Variants in OSBPL6 observed in about 807,000 individuals in gnomAD.
The protein encoded by OSBPL6 is oxysterol-binding protein-related protein 6.
In OSBPL6, 49 loss-of-function variants were observed where a neutral mutation model predicts 125.8. The ratio of observed to expected loss-of-function variants is 0.39; its 90% CI spans 0.31 to 0.49. The LOEUF (loss-of-function observed/expected upper bound fraction) is 0.49. Among genes scored for constraint, OSBPL6 ranks in the 20% least tolerant of loss-of-function variants. The pLI, the probability that OSBPL6 is intolerant of heterozygous loss-of-function variation, is 0.88. For missense variants in OSBPL6, 986 were observed against 1,135.4 expected, an observed-to-expected ratio of 0.87 and a Z score of 1.89; for synonymous variants, 394 against 391.8, an observed-to-expected ratio of 1.01 and a Z score of -0.07.
At chr2:178,394,280 A>G in intron 23 of OSBPL6, 33 bp from the exon 24 acceptor site, 1 of 1,600,052 alleles carries the variant, frequency 6.2e-7, no homozygotes, top group South Asian at 1.1e-5. Context: ...AAAAGAGGAT[A>G]ATATGTTAAA....
At chr2:178,204,127 G>A (rs150933323) in intron 1 of OSBPL6, among the ~76,000 whole-genome samples, 89 of 150,912 alleles carry the variant, frequency 5.9e-4, no homozygotes, top group Non-Finnish European at 1.0e-3. Context: ...GGGTTCAAGC[G>A]TTTCTCATGC....
At chr2:178,248,208 G>A (rs1051447849) in intron 1 of OSBPL6, among the ~76,000 whole-genome samples, 11 of 152,176 alleles carry the variant, frequency 7.2e-5, no homozygotes, top group African/African-American at 2.7e-4. Context: ...CTGTGAGAAA[G>A]TTTAGTCCCA....
intron 1 of OSBPL6, among the ~76,000 whole-genome samples, chr2:178,228,392 G>A (rs10180039): frequency 0.12 from 18,851 of 152,180 alleles, 1,541 homozygotes; most frequent in African/African-American, 0.23. Flanking sequence ...AAAATGAGCC[G>A]GGTGTGGTGG....
At chr2:178,216,958 A>G (rs962848136) in intron 1 of OSBPL6, among the ~76,000 whole-genome samples, 10 of 152,190 alleles carry the variant, frequency 6.6e-5, no homozygotes, top group Non-Finnish European at 5.9e-5. Context: ...CATGGTCCCA[A>G]ATTGGATCCT....
At chr2:178,290,143 AT>A (rs1685108245) in intron 2 of OSBPL6, among the ~76,000 whole-genome samples, 2 of 152,142 alleles carry the variant, frequency 1.3e-5, no homozygotes, top group Non-Finnish European at 2.9e-5. Context: ...CCCCCACCCC[AT>A]CCTATTATTC....
rs960448494 is a variant in OSBPL6 at position 178,383,290 on chromosome 2, T to C, written c.1875+13T>C. Reference sequence around the variant, plus strand: ...ATATGAGCGCATGGTAATAAATAACTAACAGAGCAGCGCCCCTCAGGGATT... The same window carrying C: ...ATATGAGCGCATGGTAATAAATAACCAACAGAGCAGCGCCCCTCAGGGATT... On this transcript the variant is annotated intron_variant, in intron 17 of 24. Transcript: ENST00000190611. 7.4e-6 allele frequency: 12 copies of C among 1,611,894 alleles called. No individual in the cohort carries two copies. The highest frequency in any genetic ancestry group is 1.3e-5 in the African/African-American group (1 of 74,858).
intron 24 of OSBPL6, 81 bp from the exon 25 acceptor site, chr2:178,395,370 T>C: frequency 2.1e-6 from 2 of 932,698 alleles, no homozygotes; most frequent in Non-Finnish European, 3.4e-6. Context: ...TATATGTCCA[T>C]GTCTAATCTA....
intron 19 of OSBPL6, 107 bp downstream of exon 19, chr2:178,385,628 A>G: frequency 1.2e-6 from 1 of 822,296 alleles, no homozygotes; most frequent in Non-Finnish European, 1.9e-6. Context: ...TTTGGAACTC[A>G]GCAAATGTTA....
intron 2 of OSBPL6, among the ~76,000 whole-genome samples, chr2:178,288,984 C>CG (rs892241515): frequency 1.5e-4 from 21 of 144,350 alleles, no homozygotes; most frequent in African/African-American, 5.4e-4. Flanking sequence ...CTTTTTTCTT[C>CG]TGTTGATTTT....
chr2:178,224,995 CTCTCTCTT>C (rs1316934996), intron 1 of OSBPL6, among the ~76,000 whole-genome samples: 2 of 45,208 alleles, frequency 4.4e-5, no homozygotes, highest in African/African-American at 1.6e-4. Context: ...CTGCTTCTCT[CTCTCTCTT>C]TCTCTCTCTC....
intron 1 of OSBPL6, among the ~76,000 whole-genome samples, chr2:178,253,017 T>TTTTA (rs1452385614): frequency 4.6e-5 from 7 of 151,984 alleles, no homozygotes; most frequent in African/African-American, 1.7e-4. Context: ...AACCACTGTA[T>TTTTA]TTTATTTATT....
chr2:178,351,057 C>T (rs898531061), intron 12 of OSBPL6, among the ~76,000 whole-genome samples: 1 of 152,022 alleles, frequency 6.6e-6, no homozygotes, highest in Admixed American at 6.6e-5. Flanking sequence ...AAAAAAAACA[C>T]TCTTAATGGT....
At chr2:178,261,450 G>C (rs993949800) in intron 1 of OSBPL6, among the ~76,000 whole-genome samples, 3 of 150,550 alleles carry the variant, frequency 2.0e-5, no homozygotes, top group East Asian at 1.9e-4. Context: ...AAAATGATTA[G>C]TTAGAAAAGC....
Position 178,346,856 on chromosome 2 carries a change from C to T in OSBPL6, c.988-2368C>T, listed in dbSNP as rs565030881. The stretch of plus-strand genomic sequence containing the variant: ...TCCTCAATTAAAATGGCCCATTCCA[C>T]GTACCTCTTTTAACAAAAAAAAGTA... On this transcript the variant is annotated intron_variant, in intron 11 of 24. Coordinates refer to ENST00000190611, the MANE Select transcript of OSBPL6 (RefSeq NM_032523.4). Among the ~76,000 whole-genome samples, 10 of 152,274 alleles carry T rather than the reference C, an allele frequency of 6.6e-5. No individual in the cohort carries two copies. The East Asian group carries it at 9.6e-4, about 15-fold the overall frequency.
intron 1 of OSBPL6, among the ~76,000 whole-genome samples, chr2:178,283,478 A>G (rs970065431): frequency 2.0e-5 from 3 of 152,196 alleles, no homozygotes; most frequent in African/African-American, 7.2e-5. Flanking sequence ...TTGTGAATAA[A>G]GGAGCCTGCT....
At chr2:178,388,375 T>G (rs565884345) in intron 20 of OSBPL6, among the ~76,000 whole-genome samples, 1 of 152,184 alleles carries the variant, frequency 6.6e-6, no homozygotes, top group African/African-American at 2.4e-5. Flanking sequence ...CTACCTGGAA[T>G]CCTGCGGTGG....
At chr2:178,342,067 G>A (rs1457021121) in intron 11 of OSBPL6, among the ~76,000 whole-genome samples, 1 of 152,092 alleles carries the variant, frequency 6.6e-6, no homozygotes, top group Non-Finnish European at 1.5e-5. Flanking sequence ...TTCCCCTCCT[G>A]TTTTAAATGT....
At chr2:178,235,468 G>A (rs2091020333) in intron 1 of OSBPL6, among the ~76,000 whole-genome samples, 2 of 133,896 alleles carry the variant, frequency 1.5e-5, no homozygotes, top group South Asian at 2.3e-4. Flanking sequence ...GTGCGGTGGT[G>A]CAATCCTGGC....
chr2:178,338,275 T>C (rs56148541), intron 9 of OSBPL6, among the ~76,000 whole-genome samples: 3,932 of 135,350 alleles, frequency 0.029, 244 homozygotes, highest in East Asian at 0.24. Context: ...TAAAGGTCAG[T>C]TTTTTTTTTA....
Sources: allele counts gnomAD v4.1 joint callset (sites outside exome capture counted in the v4.1 genomes callset), GRCh38; gene constraint gnomAD v4.1.1; transcripts MANE v1.5; gene names NCBI Gene and HGNC (gene_info 2026-07-23, HGNC 2026-07-21).